KCNT2: variants seen among roughly 807,000 people sequenced by gnomAD.
The protein encoded by KCNT2 is potassium channel subfamily T member 2.
In KCNT2, 67 loss-of-function variants were observed where a neutral mutation model predicts 153.8. The ratio of observed to expected loss-of-function variants is 0.44; its 90% CI spans 0.36 to 0.53. The LOEUF (loss-of-function observed/expected upper bound fraction) is 0.53. Among genes scored for constraint, KCNT2 ranks in the 20% least tolerant of loss-of-function variants. The pLI is 0.00. For missense variants in KCNT2, 975 were observed against 1,354.8 expected (o/e 0.72, Z 4.40); for synonymous variants, 500 against 458.8 (o/e 1.09, Z -1.15).
chr1:196,308,258 A>T (rs1401420212), intron 21 of KCNT2, among the ~76,000 whole-genome samples: 1 of 152,050 alleles, frequency 6.6e-6, no homozygotes, highest in Non-Finnish European at 1.5e-5. Flanking sequence ...TGTAATCTTC[A>T]CATCAGGTAG....
chr1:196,596,840 T>C (rs1664146314), intron 1 of KCNT2, among the ~76,000 whole-genome samples: 1 of 152,098 alleles, frequency 6.6e-6, no homozygotes, highest in Non-Finnish European at 1.5e-5. Context: ...TAGCTAGGAT[T>C]ACAGCACACA....
chr1:196,570,082 A>T lies in KCNT2; in HGVS notation c.95+38133T>A, dbSNP rs928249837. Reference sequence around the variant, plus strand: ...TGAGCTAGAGTAAAAAAAAAAAAAAAAAAAAAAAAAAAAAAATTAAAGGCC... The same window carrying T: ...TGAGCTAGAGTAAAAAAAAAAAAAATAAAAAAAAAAAAAAAATTAAAGGCC... On this transcript the variant is annotated intron_variant, in intron 1 of 27. Coordinates refer to ENST00000294725, the MANE Select transcript of KCNT2 (RefSeq NM_198503.5). Among the ~76,000 whole-genome samples, 3 of 11,810 alleles carry T rather than the reference A, an allele frequency of 2.5e-4. 1 individual carries two copies. Among genetic ancestry groups the T allele is most frequent in the African/African-American group, 9.1e-5 (1 of 11,040 alleles). 7.7% of individuals were successfully genotyped at this position (11,810 alleles called of 152,430 possible).
At chr1:196,585,732 C>T (rs1244564897) in intron 1 of KCNT2, among the ~76,000 whole-genome samples, 1 of 152,052 alleles carries the variant, frequency 6.6e-6, no homozygotes, top group Non-Finnish European at 1.5e-5. Flanking sequence ...ACTCACTCAT[C>T]CATTAGGTTT....
intron 8 of KCNT2, among the ~76,000 whole-genome samples, chr1:196,454,565 T>C (rs1263397437): frequency 6.6e-6 from 1 of 151,926 alleles, no homozygotes; most frequent in Non-Finnish European, 1.5e-5. Context: ...TTTCATGGTG[T>C]ATCTGTACCA....
At position 196,495,113 on chromosome 1, in the gene KCNT2, A is replaced by C. The variant is rs138993365; in HGVS notation, c.96-2772T>G. 6.0e-3 allele frequency among the ~76,000 whole-genome samples: 915 copies of C among 152,286 alleles called. 3 individuals are homozygous for C. The highest frequency in any genetic ancestry group is 0.01 in the Admixed American group (156 of 15,304). ...TCTGGCGATCTCTCTGAGTCAATAT[A>C]ATCATTGAGAAACATGGATTATATT... On this transcript the variant is annotated intron_variant, in intron 1 of 27. Coordinates refer to ENST00000294725, the MANE Select transcript of KCNT2 (RefSeq NM_198503.5).
rs566239387 is a variant in KCNT2, at chr1:196,582,872, TAGGATTATAAAATATAATTATAC to T, written c.95+25320_95+25342del. 5.8e-4 allele frequency among the ~76,000 whole-genome samples: 88 copies of T among 152,120 alleles called. 1 individual carries two copies. The East Asian group carries it at 0.015, about 26-fold the overall frequency. ...AATACAGAAGATAATACAGATTGCA[TAGGATTATAAAATATAATTATAC>T]AGGATTATAAAATATAATTATACAG... On this transcript the variant is annotated intron_variant, in intron 1 of 27. Transcript: ENST00000294725.
chr1:196,346,471 A>G (rs1345139474), intron 14 of KCNT2, among the ~76,000 whole-genome samples: 2 of 152,132 alleles, frequency 1.3e-5, no homozygotes. Flanking sequence ...CCTGTATTAG[A>G]GGTACATATA....
At chr1:196,598,733 A>T (rs1176580183) in intron 1 of KCNT2, among the ~76,000 whole-genome samples, 1 of 152,224 alleles carries the variant, frequency 6.6e-6, no homozygotes. Context: ...AACAAGTGAT[A>T]TATTTCTGTA....
At chr1:196,452,089 C>G (rs1572503365) in intron 8 of KCNT2, among the ~76,000 whole-genome samples, 1 of 151,966 alleles carries the variant, frequency 6.6e-6, no homozygotes, top group African/African-American at 2.4e-5. Context: ...AGAGATCCCT[C>G]TATAACTTCC....
At chr1:196,570,206 A>ACC (rs1660619121) in intron 1 of KCNT2, among the ~76,000 whole-genome samples, 1 of 152,084 alleles carries the variant, frequency 6.6e-6, no homozygotes, top group African/African-American at 2.4e-5. Flanking sequence ...AGCAAGAATA[A>ACC]CCTGCTTTTT....
At chr1:196,544,236 T>C (rs1023555018) in intron 1 of KCNT2, among the ~76,000 whole-genome samples, 3 of 152,022 alleles carry the variant, frequency 2.0e-5, no homozygotes, top group African/African-American at 7.2e-5. Context: ...TATGACTTCC[T>C]GAAAAGTGAA....
chr1:196,310,237 T>G (rs1315184472), intron 21 of KCNT2, among the ~76,000 whole-genome samples: 1 of 151,938 alleles, frequency 6.6e-6, no homozygotes, highest in East Asian at 1.9e-4. Flanking sequence ...AATAATGTTT[T>G]TAATTAACAG....
intron 1 of KCNT2, among the ~76,000 whole-genome samples, chr1:196,601,506 G>A (rs1282938227): frequency 6.6e-6 from 1 of 152,166 alleles, no homozygotes; most frequent in Non-Finnish European, 1.5e-5. Context: ...AAAGAACGAT[G>A]TCAATGCTAT....
intron 1 of KCNT2, among the ~76,000 whole-genome samples, chr1:196,542,614 G>A (rs1216017629): frequency 1.3e-5 from 2 of 152,004 alleles, no homozygotes; most frequent in Non-Finnish European, 2.9e-5. Flanking sequence ...ATAACTCACT[G>A]GAGAAATAAT....
chr1:196,436,775 C>A (rs1219286014), intron 8 of KCNT2, among the ~76,000 whole-genome samples: 1 of 150,472 alleles, frequency 6.6e-6, no homozygotes. Flanking sequence ...TCAAATACAG[C>A]ACATTCATAA....
chr1:196,570,910 T>C (rs1041652486), intron 1 of KCNT2, among the ~76,000 whole-genome samples: 7 of 152,126 alleles, frequency 4.6e-5, no homozygotes, highest in Non-Finnish European at 8.8e-5. Context: ...CTTTATTTCC[T>C]CTAACATAAG....
At chr1:196,282,501 A>G in intron 23 of KCNT2, 145 bp from the exon 24 acceptor site, 1 of 514,960 alleles carries the variant, frequency 1.9e-6, no homozygotes, top group Non-Finnish European at 3.4e-6. Flanking sequence ...ACAAAAGTAA[A>G]TTTAATCTAT....
chr1:196,439,186 G>C (rs1334302741), intron 8 of KCNT2, among the ~76,000 whole-genome samples: 1 of 151,722 alleles, frequency 6.6e-6, no homozygotes, highest in East Asian at 1.9e-4. Context: ...TGTCCACTTT[G>C]GTTAATATCT....
intron 10 of KCNT2, among the ~76,000 whole-genome samples, chr1:196,426,796 G>A (rs572157719): frequency 6.6e-6 from 1 of 151,982 alleles, no homozygotes; most frequent in African/African-American, 2.4e-5. Flanking sequence ...AGAGGGGCCT[G>A]ATGGGAGATG....
Sources: gnomAD v4.1 joint callset for allele counts (sites outside exome capture counted in the v4.1 genomes callset) on GRCh38, gnomAD v4.1.1 for gene constraint, MANE v1.5 for transcripts, NCBI Gene and HGNC (gene_info 2026-07-23, HGNC 2026-07-21) for gene names.